Variants in TSPAN9 observed in about 807,000 individuals in gnomAD.
TSPAN9 encodes the protein tetraspanin 9, also known as tetraspanin-9.
Under a neutral mutation model 31.0 loss-of-function variants are expected in TSPAN9, and 16 were observed. The ratio of observed to expected loss-of-function variants is 0.52; its 90% CI spans 0.35 to 0.78. The LOEUF (loss-of-function observed/expected upper bound fraction) is 0.78. TSPAN9 is among the 30% of genes least tolerant of loss of function. The probability of loss-of-function intolerance (pLI) is 0.01; values close to 1 mark genes in which losing one functional copy is unlikely to be tolerated. For synonymous variants in TSPAN9, 145 were observed against 121.6 expected (o/e 1.19, Z -1.27); for missense variants, 272 against 312.5 (o/e 0.87, Z 0.98).
chr12:3,160,042 C>G (rs1016711910), intron 2 of TSPAN9, among the ~76,000 whole-genome samples: 4 of 152,212 alleles, frequency 2.6e-5, no homozygotes, highest in Non-Finnish European at 5.9e-5. Context: ...GTTATCACCT[C>G]AGAAAGAAAC....
At chr12:3,171,797 C>T (rs1054491872) in intron 2 of TSPAN9, 1 of 152,204 alleles carries the variant, frequency 6.6e-6, no homozygotes, top group African/African-American at 2.4e-5. Flanking sequence ...TGGTTCTGCA[C>T]TCGTAGGTAG....
intron 3 of TSPAN9, among the ~76,000 whole-genome samples, chr12:3,227,732 A>G (rs570185180): frequency 6.6e-6 from 1 of 152,256 alleles, no homozygotes; most frequent in African/African-American, 2.4e-5. Context: ...CATGTGAGGC[A>G]GGGGACTTAG....
chr12:3,277,319 T>C (rs1862806775), intron 3 of TSPAN9, among the ~76,000 whole-genome samples: 1 of 152,274 alleles, frequency 6.6e-6, no homozygotes, highest in Admixed American at 6.5e-5. Context: ...ACCCACCCTT[T>C]AGGGACTGCC....
At chr12:3,265,068 C>T (rs4766088) in intron 3 of TSPAN9, among the ~76,000 whole-genome samples, 70,315 of 152,030 alleles carry the variant, frequency 0.46, 17,160 homozygotes, top group South Asian at 0.62. Context: ...CCCTGTCTCA[C>T]GATCTTGTGT....
At chr12:3,236,324 A>G (rs2098393707) in intron 3 of TSPAN9, among the ~76,000 whole-genome samples, 1 of 152,196 alleles carries the variant, frequency 6.6e-6, no homozygotes, top group Non-Finnish European at 1.5e-5. Context: ...ACTTTCTGGG[A>G]GTGACAAACA....
chr12:3,168,795 A>G lies in TSPAN9; in HGVS notation c.-17-32382A>G, dbSNP rs1167998011. ...CCCCTCTCTTTTCTGTGTCTCCACCATAAAGTACTCGTTGAGTAAATGAAT... is the reference window on the plus strand; with the variant it reads ...CCCCTCTCTTTTCTGTGTCTCCACCGTAAAGTACTCGTTGAGTAAATGAAT... On this transcript the variant is annotated intron_variant, in intron 2 of 8. Transcript: ENST00000011898. The surrounding 1 kb of genome is among the most constrained non-coding windows in gnomAD (Gnocchi z 4.0). 6.6e-6 allele frequency among the ~76,000 whole-genome samples: 1 copy of G among 152,190 alleles called. No homozygotes were observed. Among genetic ancestry groups the G allele is most frequent in the Non-Finnish European group, 1.5e-5 (1 of 68,024 alleles).
chr12:3,109,311 T>TGTGAGA (rs2098316973), intron 2 of TSPAN9, among the ~76,000 whole-genome samples: 1 of 105,344 alleles, frequency 9.5e-6, no homozygotes, highest in South Asian at 2.8e-4. Flanking sequence ...AGAGAGAGTG[T>TGTGAGA]GTGTGTGTGT....
chr12:3,077,728 T>C (rs1042304190), intron 1 of TSPAN9, among the ~76,000 whole-genome samples: 1 of 152,012 alleles, frequency 6.6e-6, no homozygotes, highest in East Asian at 1.9e-4. Context: ...AGGGGATGGC[T>C]CCGAGGAAGA....
chr12:3,203,812 TA>T (rs2098373378), intron 3 of TSPAN9, among the ~76,000 whole-genome samples: 1 of 152,124 alleles, frequency 6.6e-6, no homozygotes, highest in Non-Finnish European at 1.5e-5. Flanking sequence ...CCACTGTGTT[TA>T]TCGGGAGGTG....
intron 2 of TSPAN9, among the ~76,000 whole-genome samples, chr12:3,157,629 G>C (rs1017303588): frequency 6.6e-6 from 1 of 152,240 alleles, no homozygotes; most frequent in Admixed American, 6.5e-5. Flanking sequence ...TGCTACTGCT[G>C]TCAGTGTAAA....
At chr12:3,079,898 G>A (rs2098297037) in intron 1 of TSPAN9, among the ~76,000 whole-genome samples, 1 of 151,228 alleles carries the variant, frequency 6.6e-6, no homozygotes, top group South Asian at 2.1e-4. Flanking sequence ...AGCCTCCCGA[G>A]TAGCTGGGAC....
At chr12:3,245,783 T>C (rs1862113021) in intron 3 of TSPAN9, among the ~76,000 whole-genome samples, 1 of 152,144 alleles carries the variant, frequency 6.6e-6, no homozygotes, top group South Asian at 2.1e-4. Flanking sequence ...CTGTATCTTA[T>C]CTGCATTTTT....
chr12:3,210,042 A>G (rs2098377702), intron 3 of TSPAN9, among the ~76,000 whole-genome samples: 2 of 147,534 alleles, frequency 1.4e-5, no homozygotes, highest in South Asian at 4.4e-4. Flanking sequence ...AGGCTGAGGC[A>G]GGAGAATGGC....
chr12:3,216,084 G>C (rs1301628672), intron 3 of TSPAN9, among the ~76,000 whole-genome samples: 1 of 152,144 alleles, frequency 6.6e-6, no homozygotes, highest in Non-Finnish European at 1.5e-5. Flanking sequence ...CTCCCTCCTG[G>C]AGTCCTGGGC....
intron 3 of TSPAN9, among the ~76,000 whole-genome samples, chr12:3,242,263 G>A (rs2098396948): frequency 6.6e-6 from 1 of 152,250 alleles, no homozygotes; most frequent in African/African-American, 2.4e-5. Context: ...TTCAGGGCAA[G>A]GAGGCCCTTG....
At chr12:3,084,463 G>T (rs1180081852) in intron 2 of TSPAN9, among the ~76,000 whole-genome samples, 2 of 151,798 alleles carry the variant, frequency 1.3e-5, no homozygotes, top group African/African-American at 4.9e-5. Flanking sequence ...AGCAGGGAGA[G>T]GGGGTGGAAT....
chr12:3,156,783 T>C (rs111554292), intron 2 of TSPAN9, among the ~76,000 whole-genome samples: 4,238 of 152,020 alleles, frequency 0.028, 198 homozygotes, highest in African/African-American at 0.097. Context: ...GCTGGGATTA[T>C]AGGCCTGAGC....
rs140480351 is a variant in TSPAN9, at chr12:3,184,120, C to T, written c.-17-17057C>T. 4.6e-5 allele frequency among the ~76,000 whole-genome samples: 7 copies of T among 152,176 alleles called. No individual in the cohort carries two copies. The East Asian group carries it at 9.7e-4, about 21-fold the overall frequency. ...TTCAATAAGAAAATCCAGCCAGGCA[C>T]GGTGCACACCTGTAATCCCAGCACT... On this transcript the variant is annotated intron_variant, in intron 2 of 8. Coordinates refer to ENST00000011898, the MANE Select transcript of TSPAN9 (RefSeq NM_006675.5).
At chr12:3,108,592 GT>G (rs1291961090) in intron 2 of TSPAN9, among the ~76,000 whole-genome samples, 1 of 152,132 alleles carries the variant, frequency 6.6e-6, no homozygotes, top group Admixed American at 6.5e-5. Context: ...AACACCCACT[GT>G]TTAGTTCAGG....
Sources: gnomAD v4.1 joint callset for allele counts (sites outside exome capture counted in the v4.1 genomes callset) on GRCh38, gnomAD v4.1.1 for gene constraint, Gnocchi (gnomAD v3.1) non-coding constraint, MANE v1.5 for transcripts, NCBI Gene and HGNC (gene_info 2026-07-23, HGNC 2026-07-21) for gene names.